Variants in CUL5 observed in about 807,000 individuals in gnomAD.
CUL5 encodes cullin 5.
Under a neutral mutation model 108.8 loss-of-function variants are expected in CUL5, and 26 were observed. The observed-to-expected ratio is 0.24, with a 90% CI of 0.18 to 0.33. The LOEUF (loss-of-function observed/expected upper bound fraction) is 0.33, where lower values mean the gene tolerates loss of function less well. Ranked by LOEUF, CUL5 falls within the 10% of genes least tolerant of loss-of-function variation. CUL5 has a pLI of 1.00. For missense variants in CUL5, 524 were observed against 909.2 expected, an observed-to-expected ratio of 0.58 and a Z score of 5.45; for synonymous variants, 334 against 298.0, an observed-to-expected ratio of 1.12 and a Z score of -1.25.
intron 7 of CUL5, among the ~76,000 whole-genome samples, chr11:108,065,135 C>G (rs988588427): frequency 3.9e-5 from 6 of 152,064 alleles, no homozygotes; most frequent in African/African-American, 9.7e-5. Flanking sequence ...ACACCATTTT[C>G]CTGCCTCAGC....
chr11:108,089,210 C>A (rs1023428034), intron 12 of CUL5, among the ~76,000 whole-genome samples: 1 of 151,828 alleles, frequency 6.6e-6, no homozygotes, highest in Non-Finnish European at 1.5e-5. Context: ...TGCAGGGGGA[C>A]ATTGATTTTT....
chr11:108,012,834 C>T (rs1428781708), intron 1 of CUL5, among the ~76,000 whole-genome samples: 3 of 151,982 alleles, frequency 2.0e-5, no homozygotes, highest in East Asian at 3.9e-4. Flanking sequence ...TGACCTCAAG[C>T]GATCCGCCTA....
At chr11:108,053,967 T>C (rs1863308020) in intron 5 of CUL5, among the ~76,000 whole-genome samples, 1 of 152,132 alleles carries the variant, frequency 6.6e-6, no homozygotes, top group Non-Finnish European at 1.5e-5. Context: ...TACCTCAGCC[T>C]CCAGAATAGC....
At chr11:108,012,593 A>G (rs538134119) in intron 1 of CUL5, among the ~76,000 whole-genome samples, 37 of 145,234 alleles carry the variant, frequency 2.5e-4, no homozygotes, top group African/African-American at 9.0e-4. Flanking sequence ...GTCGCGTCAT[A>G]TAAACTTTTC....
In CUL5 at chr11:108,072,376, A is replaced by G. The variant is rs1863847224; in HGVS notation, c.919A>G (p.Ile307Val). 5.0e-6 allele frequency: 8 copies of G among 1,611,988 alleles called. No individual in the cohort carries two copies. Among genetic ancestry groups the G allele is most frequent in the South Asian group, 1.1e-5 (1 of 90,852 alleles). Residue 307 changes from isoleucine (I) to valine (V), a missense_variant, in exon 9 of 19, where the codon ATA becomes GTA. Physicochemically the swap from Ile to Val is conservative, Grantham distance 29. This residue lies in a region of CUL5 where 170 missense variants were observed against 305.1 expected (regional missense o/e 0.56). Transcript: ENST00000393094. ...FSLMDKVPNG[I>V]EPMLKDLEEH... is the part of the protein sequence containing the mutation. ...ATTGATGGACAAAGTTCCTAATGGT[A>G]TAGAGCCAATGTTGAAAGACTTGGA...
At chr11:108,084,835 T>TG (rs1366252552) in intron 11 of CUL5, 1 of 152,148 alleles carries the variant, frequency 6.6e-6, no homozygotes, top group African/African-American at 2.4e-5. Flanking sequence ...GGTAAGGATA[T>TG]GGAAAAATTG....
intron 2 of CUL5, among the ~76,000 whole-genome samples, chr11:108,041,797 G>A (rs1288112902): frequency 1.3e-5 from 2 of 151,946 alleles, no homozygotes; most frequent in Admixed American, 1.3e-4. Context: ...TCATCATGTT[G>A]GCCAGGCTGG....
In CUL5 at chr11:108,097,694, A is replaced by G. The variant is rs368273361; in HGVS notation, c.1964A>G (p.Asn655Ser). The G allele has an allele frequency of 2.0e-5, 32 of 1,613,604 alleles. No homozygotes were observed. Among genetic ancestry groups the G allele is most frequent in the Non-Finnish European group, 2.6e-5 (31 of 1,179,802 alleles). ...RQVLLYEPQV[N>S]SPKDFTEGTL... The stretch of plus-strand genomic sequence containing the variant: ...GTTTTGTTGTATGAACCTCAAGTCA[A>G]CTCACCCAAAGACTTTACAGAAGGT... Residue 655 changes from asparagine to serine, a missense_variant, in exon 17 of 19, where the codon AAC (asparagine) becomes AGC (serine). Physicochemically the swap from Asn to Ser is conservative, Grantham distance 46. Transcript: ENST00000393094.
chr11:108,044,730 A>C (rs1228616455), intron 2 of CUL5, among the ~76,000 whole-genome samples: 1 of 150,454 alleles, frequency 6.6e-6, no homozygotes, highest in Non-Finnish European at 1.5e-5. Flanking sequence ...ACAACTTGGT[A>C]ATTTTTTTAC....
chr11:108,048,648 C>CTTTTTTTTTTTTTTT (rs200991204), intron 3 of CUL5, among the ~76,000 whole-genome samples: 60 of 116,840 alleles, frequency 5.1e-4, no homozygotes, highest in Non-Finnish European at 6.4e-4. Flanking sequence ...ACTCCACCAC[C>CTTTTTTTTTTTTTTT]TTTTTTTTTT....
intron 10 of CUL5, among the ~76,000 whole-genome samples, chr11:108,076,164 C>G (rs984698658): frequency 5.3e-5 from 8 of 152,054 alleles, no homozygotes; most frequent in Non-Finnish European, 1.2e-4. Context: ...TCCCGAGTAG[C>G]TGGGACTACA....
chr11:108,048,954 C>G (rs975866889), intron 3 of CUL5, among the ~76,000 whole-genome samples: 2 of 151,114 alleles, frequency 1.3e-5, no homozygotes, highest in African/African-American at 4.9e-5. Context: ...CATGAGCCAC[C>G]GCACCTGCCG....
intron 1 of CUL5, among the ~76,000 whole-genome samples, chr11:108,032,259 C>T (rs1018621822): frequency 2.6e-5 from 4 of 152,116 alleles, no homozygotes; most frequent in Non-Finnish European, 5.9e-5. Flanking sequence ...ATAACCTCAG[C>T]ATTTTGGGAG....
In CUL5 at chr11:108,104,565, C is replaced by A; in HGVS notation, c.*181C>A. ...CACATTAGTTAGCATGATGGCATTC[C>A]CTTCATGTTGCACACTCTTTGACAG... On this transcript the variant is annotated 3_prime_UTR_variant, in exon 19 of 19. Transcript: ENST00000393094. 1 of 460,566 alleles carries A rather than the reference C, an allele frequency of 2.2e-6. No individual in the cohort carries two copies. The highest frequency in any genetic ancestry group is 4.3e-5 in the South Asian group (1 of 23,208). The allele number at this position is 460,566 out of a possible 1,614,324, so 28.5% of individuals were successfully genotyped here.
Position 108,043,658 on chromosome 11 carries a change from C to T in CUL5, c.135-2612C>T, listed in dbSNP as rs551312572. Among the ~76,000 whole-genome samples, 489 of 152,204 alleles carry T rather than the reference C, an allele frequency of 3.2e-3. 1 individual carries two copies. The highest frequency in any genetic ancestry group is 4.8e-3 in the Non-Finnish European group (328 of 68,006). The stretch of plus-strand genomic sequence containing the variant: ...AACTGTATAATCTTGGATTGTTTTT[C>T]CTTCAATTTCCCCATCTGTAAAATA... On this transcript the variant is annotated intron_variant, in intron 2 of 18. Transcript: ENST00000393094.
intron 1 of CUL5, among the ~76,000 whole-genome samples, chr11:108,017,686 C>T (rs1361039689): frequency 6.6e-6 from 1 of 152,084 alleles, no homozygotes; most frequent in Non-Finnish European, 1.5e-5. Flanking sequence ...CTCATCTCTA[C>T]AAAAAATTTA....
intron 13 of CUL5, among the ~76,000 whole-genome samples, chr11:108,090,968 G>T (rs1864339405): frequency 1.3e-5 from 2 of 152,128 alleles, no homozygotes; most frequent in Non-Finnish European, 2.9e-5. Flanking sequence ...TCACTTATAA[G>T]TATATAGGAA....
intron 1 of CUL5, among the ~76,000 whole-genome samples, chr11:108,023,329 T>TG (rs1303515657): frequency 2.6e-5 from 4 of 152,354 alleles, no homozygotes; most frequent in African/African-American, 9.6e-5. Flanking sequence ...TGTCTTTTAA[T>TG]GGCTAAAGTT....
chr11:108,068,295 G>A (rs2135174979), intron 7 of CUL5, among the ~76,000 whole-genome samples: 1 of 152,110 alleles, frequency 6.6e-6, no homozygotes, highest in South Asian at 2.1e-4. Flanking sequence ...TCTTGTAGAG[G>A]AGCCTGAAAA....
Sources: gnomAD v4.1 joint callset for allele counts (sites outside exome capture counted in the v4.1 genomes callset) on GRCh38, gnomAD v4.1.1 for gene constraint, gnomAD v4.1.1 regional missense constraint, MANE v1.5 for transcripts, NCBI Gene and HGNC (gene_info 2026-07-23, HGNC 2026-07-21) for gene names.